Variants in GARIN1B observed in about 807,000 individuals in gnomAD.
GARIN1B encodes Golgi-associated RAB2 interactor protein 1B.
chr7:128,731,012 TA>T, the GARIN1B span: 2 of 1,257,750 alleles, frequency 1.6e-6, no homozygotes. Flanking sequence ...ACAATTTTTT[TA>T]AATTAGCATA....
chr7:128,711,754 T>C, the GARIN1B span, among the ~76,000 whole-genome samples: 3 of 152,024 alleles, frequency 2.0e-5, no homozygotes, highest in African/African-American at 7.2e-5. Flanking sequence ...AAACACTTGC[T>C]GTATTGCTGG....
chr7:128,715,691 G>A, the GARIN1B span: 1 of 1,612,774 alleles, frequency 6.2e-7, no homozygotes, highest in Non-Finnish European at 8.5e-7. Flanking sequence ...CTTCATCCAG[G>A]TATTCTTGGG....
chr7:128,724,905 A>G, the GARIN1B span: 1 of 1,277,578 alleles, frequency 7.8e-7, no homozygotes. Context: ...CATGGGCCCA[A>G]GTCATTGCTC....
At chr7:128,715,461 A>G in the GARIN1B span, 4 of 1,614,120 alleles carry the variant, frequency 2.5e-6, no homozygotes, top group Non-Finnish European at 3.4e-6. Flanking sequence ...TCATTTCCAC[A>G]TAGAAAGACT....
the GARIN1B span, chr7:128,723,226 G>C: frequency 1.9e-6 from 3 of 1,612,558 alleles, no homozygotes; most frequent in South Asian, 3.3e-5. Context: ...AAGCCTCCCA[G>C]CCCAGCGAGA....
At chr7:128,714,168 CT>C in the GARIN1B span, 1 of 1,532,534 alleles carries the variant, frequency 6.5e-7, no homozygotes, top group Non-Finnish European at 8.7e-7. Context: ...TTCTCCCTGA[CT>C]TTATAATGAA....
At chr7:128,711,274 G>C in the GARIN1B span, among the ~76,000 whole-genome samples, 1 of 152,014 alleles carries the variant, frequency 6.6e-6, no homozygotes, top group African/African-American at 2.4e-5. Flanking sequence ...TAACCCTTTA[G>C]ATAGAGCTTC....
At chr7:128,718,367 G>A in the GARIN1B span, among the ~76,000 whole-genome samples, 2 of 150,884 alleles carry the variant, frequency 1.3e-5, no homozygotes, top group Admixed American at 1.3e-4. Context: ...AGGAGGCGGA[G>A]GTTGCAGTGA....
At chr7:128,727,951 A>G in the GARIN1B span, among the ~76,000 whole-genome samples, 1 of 152,250 alleles carries the variant, frequency 6.6e-6, no homozygotes, top group Non-Finnish European at 1.5e-5. Context: ...CATGAAGCAG[A>G]GGCCTGAGAA....
the GARIN1B span, chr7:128,715,313 T>C: frequency 1.3e-6 from 2 of 1,489,390 alleles, no homozygotes; most frequent in Non-Finnish European, 1.8e-6. Context: ...GTCCTGGTTT[T>C]TCATGATGTC....
At chr7:128,720,666 CT>C in the GARIN1B span, among the ~76,000 whole-genome samples, 1 of 152,084 alleles carries the variant, frequency 6.6e-6, no homozygotes, top group East Asian at 1.9e-4. Flanking sequence ...GATCTAAGTA[CT>C]TTTTTTGTGT....
the GARIN1B span, chr7:128,716,803 T>TG: frequency 8.8e-6 from 14 of 1,597,276 alleles, no homozygotes; most frequent in South Asian, 1.6e-4. Flanking sequence ...GCCTGGGGGC[T>TG]GTGTTGCAGG....
chr7:128,725,671 C>A, the GARIN1B span, among the ~76,000 whole-genome samples: 21 of 152,192 alleles, frequency 1.4e-4, no homozygotes, highest in Non-Finnish European at 2.9e-4. Flanking sequence ...TGTGTCTGCT[C>A]AAATCACTGA....
chr7:128,728,033 C>T, the GARIN1B span, among the ~76,000 whole-genome samples: 5 of 152,202 alleles, frequency 3.3e-5, no homozygotes, highest in African/African-American at 1.2e-4. Flanking sequence ...GCTCAGTAGG[C>T]AGCCAAAATA....
chr7:128,725,092 G>A, the GARIN1B span: 1 of 207,820 alleles, frequency 4.8e-6, no homozygotes, highest in South Asian at 8.1e-5. Flanking sequence ...CTCTCAATAA[G>A]TATTAACTTG....
chr7:128,724,662 G>A, the GARIN1B span: 1 of 1,213,372 alleles, frequency 8.2e-7, no homozygotes. Context: ...CAGGGTCCTA[G>A]TGCCTATTAC....
chr7:128,731,357 A>C, the GARIN1B span: 1 of 580,876 alleles, frequency 1.7e-6, no homozygotes, highest in Admixed American at 3.0e-5. Context: ...TGCTCTCAGA[A>C]TGGCCGGGCC....
chr7:128,719,130 G>A, the GARIN1B span: 6 of 1,591,870 alleles, frequency 3.8e-6, no homozygotes, highest in African/African-American at 1.3e-5. Flanking sequence ...AAAGCAGCAA[G>A]GTAGAGCTTA....
At chr7:128,717,045 T>C in the GARIN1B span, 2 of 1,516,288 alleles carry the variant, frequency 1.3e-6, no homozygotes, top group South Asian at 2.6e-5. Flanking sequence ...GAGGGGTGGA[T>C]GCAAAGTGGA....
Sources: gnomAD v4.1 joint callset for allele counts (sites outside exome capture counted in the v4.1 genomes callset) on GRCh38, gnomAD v4.1.1 for gene constraint, MANE v1.5 for transcripts, NCBI Gene and HGNC (gene_info 2026-07-23, HGNC 2026-07-21) for gene names.